SNX29: variants seen among roughly 807,000 people sequenced by gnomAD.
SNX29 encodes the protein sorting nexin 29, also known as sorting nexin-29.
A neutral mutation model predicts 102.1 loss-of-function variants in SNX29; 78 were observed. The observed-to-expected ratio is 0.76, with a 90% confidence interval of 0.64 to 0.92. SNX29 has a LOEUF of 0.92. Among genes scored for constraint, SNX29 ranks in the 40% least tolerant of loss-of-function variants. The pLI, the probability that SNX29 is intolerant of heterozygous loss-of-function variation, is 0.00. For missense variants in SNX29, 1,280 were observed against 1,061.7 expected (o/e 1.21, Z -2.86); for synonymous variants, 580 against 414.5 (o/e 1.40, Z -4.85).
At chr16:12,514,221 A>G (rs1348831093) in intron 19 of SNX29, among the ~76,000 whole-genome samples, 1 of 152,184 alleles carries the variant, frequency 6.6e-6, no homozygotes, top group Non-Finnish European at 1.5e-5. Context: ...AGTCTCATAG[A>G]AGGAATAGCT....
chr16:12,149,492 G>GA (rs1397745776), intron 13 of SNX29, among the ~76,000 whole-genome samples: 1 of 152,148 alleles, frequency 6.6e-6, no homozygotes, highest in African/African-American at 2.4e-5. Context: ...CCGGGGTCAT[G>GA]AGGGAGTATA....
Position 12,462,693 on chromosome 16 carries a change from A to G in SNX29, c.2038-15026A>G, listed in dbSNP as rs572523727. 4.6e-5 allele frequency among the ~76,000 whole-genome samples: 7 copies of G among 152,288 alleles called. No individual in the cohort carries two copies. The South Asian group carries it at 1.2e-3, about 27-fold the overall frequency. ...CAGAATAAACAAGGGTCCAGCTTCT[A>G]TTCCTCACTGCCTCCCCCAAACCCA... On this transcript the variant is annotated intron_variant, in intron 18 of 20. Coordinates refer to ENST00000566228, the MANE Select transcript of SNX29 (RefSeq NM_032167.5).
At chr16:12,048,292 T>C (rs537123266) in intron 6 of SNX29, 80 bp from the exon 7 acceptor site, 31 of 1,597,376 alleles carry the variant, frequency 1.9e-5, no homozygotes, top group Non-Finnish European at 2.7e-5. Flanking sequence ...CTGTACTCTG[T>C]TGTCTGCAGC....
chr16:12,436,413 A>G (rs2085541166), intron 18 of SNX29, among the ~76,000 whole-genome samples: 1 of 152,334 alleles, frequency 6.6e-6, no homozygotes. Flanking sequence ...TCCGTGTGTA[A>G]GGTGTGCTGC....
intron 18 of SNX29, among the ~76,000 whole-genome samples, chr16:12,461,144 A>C (rs2086760574): frequency 6.6e-6 from 1 of 152,252 alleles, no homozygotes; most frequent in Non-Finnish European, 1.5e-5. Flanking sequence ...ACAACTAATG[A>C]GAATATGAAA....
intron 20 of SNX29, among the ~76,000 whole-genome samples, chr16:12,542,425 T>A (rs1158678723): frequency 6.6e-6 from 1 of 152,204 alleles, no homozygotes; most frequent in Non-Finnish European, 1.5e-5. Flanking sequence ...AGCCTTCGCC[T>A]CCCAAGTTCA....
At chr16:12,540,826 A>C (rs912645335) in intron 20 of SNX29, among the ~76,000 whole-genome samples, 8 of 152,152 alleles carry the variant, frequency 5.3e-5, no homozygotes, top group Non-Finnish European at 2.9e-5. Context: ...AAGGGGCAAA[A>C]AGAAACAAGA....
At chr16:11,983,651 T>A in intron 1 of SNX29, 1 of 985,404 alleles carries the variant, frequency 1.0e-6, no homozygotes, top group Non-Finnish European at 1.2e-6. Flanking sequence ...TGCTAGCAAC[T>A]GGCGATGGAC....
intron 2 of SNX29, among the ~76,000 whole-genome samples, chr16:11,999,639 C>T (rs1248919812): frequency 2.6e-5 from 4 of 152,164 alleles, no homozygotes; most frequent in Non-Finnish European, 4.4e-5. Context: ...CAGTGGCTCA[C>T]GCCTGTAATC....
chr16:12,312,440 T>G (rs2080588504), intron 15 of SNX29, among the ~76,000 whole-genome samples: 1 of 152,158 alleles, frequency 6.6e-6, no homozygotes, highest in Non-Finnish European at 1.5e-5. Flanking sequence ...GAGGGTCTGT[T>G]TTTGAGAAAA....
intron 18 of SNX29, among the ~76,000 whole-genome samples, chr16:12,467,302 G>C (rs774501863): frequency 6.6e-6 from 1 of 152,192 alleles, no homozygotes; most frequent in Non-Finnish European, 1.5e-5. Flanking sequence ...TAATCTAAAA[G>C]TGAGTGAAAG....
intron 14 of SNX29, among the ~76,000 whole-genome samples, chr16:12,250,577 G>A (rs879409367): frequency 3.3e-5 from 5 of 152,226 alleles, no homozygotes; most frequent in Non-Finnish European, 7.3e-5. Flanking sequence ...GAAGCACAAT[G>A]CAGAGCTTGA....
rs193119512 is a variant in SNX29, at chr16:12,460,450, T to C, written c.2038-17269T>C. On this transcript the variant is annotated intron_variant, in intron 18 of 20. Transcript: ENST00000566228. ...AAGTAGAAAACTCCTTCTATATTTTTAGCTTGGTCTTCCCTCTTGTTACCT... is the reference window on the plus strand; with the variant it reads ...AAGTAGAAAACTCCTTCTATATTTTCAGCTTGGTCTTCCCTCTTGTTACCT... Among the ~76,000 whole-genome samples, 15 of 152,310 alleles carry C rather than the reference T, an allele frequency of 9.8e-5. 1 individual carries two copies. The East Asian group carries it at 2.7e-3, about 27-fold the overall frequency.
At chr16:12,400,261 C>G (rs1033317832) in intron 17 of SNX29, among the ~76,000 whole-genome samples, 15 of 152,232 alleles carry the variant, frequency 9.9e-5, no homozygotes, top group Non-Finnish European at 1.9e-4. Context: ...ACTCCTCTCC[C>G]TGCACCAGCC....
intron 11 of SNX29, chr16:12,086,931 C>T (rs932625837): frequency 2.0e-5 from 3 of 152,018 alleles, no homozygotes; most frequent in Admixed American, 2.0e-4. Flanking sequence ...GACACAGATG[C>T]AGAGCAGTTG....
intron 15 of SNX29, among the ~76,000 whole-genome samples, chr16:12,316,003 C>T (rs1376354958): frequency 6.6e-6 from 1 of 152,204 alleles, no homozygotes; most frequent in East Asian, 1.9e-4. Context: ...ACTGCGTAGC[C>T]AGGCTGTTCT....
intron 15 of SNX29, among the ~76,000 whole-genome samples, chr16:12,301,155 G>A (rs532235253): frequency 5.4e-4 from 82 of 152,306 alleles, no homozygotes; most frequent in Non-Finnish European, 8.5e-4. Context: ...ATGAGTTACA[G>A]TCCCTTCTAA....
At chr16:12,066,127 A>G (rs1326357804) in intron 9 of SNX29, among the ~76,000 whole-genome samples, 1 of 152,092 alleles carries the variant, frequency 6.6e-6, no homozygotes, top group Non-Finnish European at 1.5e-5. Context: ...GGGTGGGTCC[A>G]TGCCTTTGCC....
intron 15 of SNX29, among the ~76,000 whole-genome samples, chr16:12,299,565 G>C (rs997301420): frequency 1.3e-5 from 2 of 152,096 alleles, no homozygotes; most frequent in African/African-American, 4.8e-5. Flanking sequence ...CTTTGACTGG[G>C]AAAAGGTATT....
Sources: gnomAD v4.1 joint callset for allele counts (sites outside exome capture counted in the v4.1 genomes callset) on GRCh38, gnomAD v4.1.1 for gene constraint, MANE v1.5 for transcripts, NCBI Gene and HGNC (gene_info 2026-07-23, HGNC 2026-07-21) for gene names.